The following MAP4K5 variants were observed in gnomAD, a reference collection of about 807,000 sequenced individuals.
MAP4K5 encodes the protein MAPK/ERK kinase kinase kinase 5.
In MAP4K5, 82 loss-of-function variants were observed where a neutral mutation model predicts 135.6. That is an observed-to-expected ratio of 0.60 (90% CI 0.51 to 0.73). The LOEUF is 0.73. MAP4K5 is among the 30% of genes least tolerant of loss of function. MAP4K5 has a pLI of 0.00. For missense variants in MAP4K5, 907 were observed against 1,010.9 expected (o/e 0.90, Z 1.39); for synonymous variants, 347 against 335.0 (o/e 1.04, Z -0.39).
chr14:50,433,428 G>A (rs1182346461), intron 28 of MAP4K5, among the ~76,000 whole-genome samples: 1 of 152,100 alleles, frequency 6.6e-6, no homozygotes, highest in East Asian at 1.9e-4. Context: ...ATTGGCCATG[G>A]GTGGAGTATT....
intron 18 of MAP4K5, among the ~76,000 whole-genome samples, chr14:50,444,752 T>C (rs1313298503): frequency 6.6e-6 from 1 of 152,156 alleles, no homozygotes; most frequent in African/African-American, 2.4e-5. Context: ...CTGTAGACCC[T>C]GAAGTTCTGG....
chr14:50,524,534 T>C (rs987243912), intron 2 of MAP4K5, among the ~76,000 whole-genome samples: 1 of 151,932 alleles, frequency 6.6e-6, no homozygotes, highest in Non-Finnish European at 1.5e-5. Flanking sequence ...ATGATGAGTA[T>C]CATGATAAAA....
intron 13 of MAP4K5, among the ~76,000 whole-genome samples, chr14:50,458,205 T>C (rs748869199): frequency 1.2e-4 from 18 of 152,176 alleles, no homozygotes; most frequent in African/African-American, 1.7e-4. Context: ...AATCACCAGC[T>C]ACACTGCATT....
intron 22 of MAP4K5, 101 bp downstream of exon 22, chr14:50,440,261 A>G: frequency 1.2e-6 from 1 of 842,190 alleles, no homozygotes; most frequent in Non-Finnish European, 1.8e-6. Flanking sequence ...TATTTAAATC[A>G]TAAAAATTAA....
At chr14:50,529,843 G>C (rs1207007501) in intron 2 of MAP4K5, among the ~76,000 whole-genome samples, 1 of 152,124 alleles carries the variant, frequency 6.6e-6, no homozygotes, top group African/African-American at 2.4e-5. Flanking sequence ...TTAAGGAGCA[G>C]CAAGCAGGCC....
chr14:50,551,308 C>G (rs989768711), intron 1 of MAP4K5, among the ~76,000 whole-genome samples: 2 of 150,874 alleles, frequency 1.3e-5, no homozygotes, highest in Non-Finnish European at 2.9e-5. Context: ...AAATGTACAA[C>G]CCTCCTGATT....
chr14:50,428,757 TAAA>T lies in MAP4K5; in HGVS notation c.2234-6_2234-4del. On this transcript the variant is annotated splice_region_variant and splice_polypyrimidine_tract_variant and intron_variant, in intron 29 of 32. Transcript: ENST00000682126. ...TAGATTTACAATTTTCACAAATTCT[TAAA>T]AAAAAAAAACAAGTCAAGACTGGAC... The T allele has an allele frequency of 9.1e-7, 1 of 1,100,066 alleles. No homozygotes were observed. Among genetic ancestry groups the T allele is most frequent in the Non-Finnish European group, 1.2e-6 (1 of 811,260 alleles). 68.1% of individuals were successfully genotyped at this position (1,100,066 alleles called of 1,614,324 possible).
Position 50,486,189 on chromosome 14 carries a change from C to A in MAP4K5, c.172G>T (p.Asp58Tyr). 2.6e-6 allele frequency: 3 copies of A among 1,157,064 alleles called. No individual in the cohort carries two copies. Among genetic ancestry groups the A allele is most frequent in the South Asian group, 2.9e-5 (2 of 68,842 alleles). The allele number at this position is 1,157,064 out of a possible 1,614,324, so 71.7% of individuals were successfully genotyped here. A position where few individuals can be genotyped will look rare whatever the true frequency, so the allele number is the denominator to read the frequency against. Residue 58 changes from aspartate (D) to tyrosine (Y), a missense_variant, in exon 4 of 33, where the codon GAT becomes TAT. Coordinates refer to ENST00000682126, the MANE Select transcript of MAP4K5 (RefSeq NM_006575.6). ...VKIIKLEPGD[D>Y]FSLIQQEIFM... is the part of the protein sequence containing the mutation. Reference sequence around the variant, plus strand: ...ATTTCTTGTTGAATCAAAGAAAAATCATCTCCTGGAAAACAAAATAAGTTG... The same window carrying A: ...ATTTCTTGTTGAATCAAAGAAAAATAATCTCCTGGAAAACAAAATAAGTTG...
chr14:50,421,043 A>G (rs975992622), intron 32 of MAP4K5, among the ~76,000 whole-genome samples: 7 of 152,142 alleles, frequency 4.6e-5, no homozygotes, highest in Non-Finnish European at 7.4e-5. Context: ...TAGTGTATGA[A>G]TTTTCTATAA....
In MAP4K5 at chr14:50,425,232, G is replaced by A. The variant is rs116085374; in HGVS notation, c.2397+675C>T. On this transcript the variant is annotated intron_variant, in intron 31 of 32. Coordinates refer to ENST00000682126, the MANE Select transcript of MAP4K5 (RefSeq NM_006575.6). ...CCAAATCCCATCTCCTGCATGAGAC[G>A]TAATTATCTCAGCTAGAAGTGATTT... 8.2e-3 allele frequency among the ~76,000 whole-genome samples: 1,243 copies of A among 152,234 alleles called. 10 individuals carry two copies. The highest frequency in any genetic ancestry group is 0.028 in the African/African-American group (1,162 of 41,538).
At position 50,513,692 on chromosome 14, in the gene MAP4K5, C is replaced by T. The variant is rs552035720; in HGVS notation, c.109-8835G>A. ...AAAGCTCCTGTATTTCTCTGTTCTTCACATTGGGTCTCTCATCCTACCCCA... is the reference window on the plus strand; with the variant it reads ...AAAGCTCCTGTATTTCTCTGTTCTTTACATTGGGTCTCTCATCCTACCCCA... On this transcript the variant is annotated intron_variant, in intron 2 of 32. Coordinates refer to ENST00000682126, the MANE Select transcript of MAP4K5 (RefSeq NM_006575.6). 2.0e-5 allele frequency among the ~76,000 whole-genome samples: 3 copies of T among 152,312 alleles called. No homozygotes were observed. The South Asian group carries it at 6.2e-4, about 32-fold the overall frequency.
intron 3 of MAP4K5, 35 bp from the exon 4 acceptor site, chr14:50,486,229 C>A: frequency 1.4e-6 from 1 of 722,092 alleles, no homozygotes; most frequent in South Asian, 1.8e-5. Flanking sequence ...TCATGTTACT[C>A]AAAATCTCTA....
In MAP4K5 at chr14:50,429,210, C is replaced by T. The variant is rs746467611; in HGVS notation, c.2215G>A (p.Val739Ile). ...TACTTACTGTCTAAACACACTAAAA[C>T]GGTATCTCTCTCCAACTGTGTTACA... ...IHVTQLERDT[V>I]LVCLDKFVKI... The change falls in exon 29 of 33, where the codon GTT becomes ATT. Residue 739 changes from valine to isoleucine, a missense_variant. By Grantham distance (29) the Val-to-Ile change is conservative (BLOSUM62 3). Around this residue, in one of 3 missense-constraint regions of MAP4K5, gnomAD observed 690 missense variants for 777.4 expected, o/e 0.89. Transcript: ENST00000682126. The T allele has an allele frequency of 2.3e-5, 36 of 1,558,092 alleles. No homozygotes were observed. The African/African-American group carries it at 2.5e-4, about 11-fold the overall frequency.
At chr14:50,506,007 C>T (rs1305141068) in intron 2 of MAP4K5, among the ~76,000 whole-genome samples, 1 of 152,048 alleles carries the variant, frequency 6.6e-6, no homozygotes. Context: ...TCATTTTCAT[C>T]GTACCCCGTG....
chr14:50,536,737 C>T (rs1331722356), upstream of MAP4K5, among the ~76,000 whole-genome samples: 1 of 152,172 alleles, frequency 6.6e-6, no homozygotes, highest in African/African-American at 2.4e-5. Flanking sequence ...TTAGCAAAGA[C>T]ACTGGTGGCA....
At chr14:50,508,576 G>T (rs532104945) in intron 2 of MAP4K5, among the ~76,000 whole-genome samples, 1 of 152,048 alleles carries the variant, frequency 6.6e-6, no homozygotes, top group African/African-American at 2.4e-5. Flanking sequence ...TGGGGTGGGG[G>T]GAGAGGGGAG....
chr14:50,423,281 G>A, intron 31 of MAP4K5, 105 bp from the exon 32 acceptor site: 1 of 527,114 alleles, frequency 1.9e-6, no homozygotes, highest in Non-Finnish European at 3.4e-6. Context: ...ATATTTTTTG[G>A]TAGACTTAAT....
chr14:50,493,503 A>G (rs1046375262), intron 3 of MAP4K5, among the ~76,000 whole-genome samples: 8 of 152,222 alleles, frequency 5.3e-5, no homozygotes, highest in Non-Finnish European at 1.2e-4. Flanking sequence ...CTGGAAAGAA[A>G]TAAGTTAAAA....
At chr14:50,503,786 C>A (rs1234824979) in intron 3 of MAP4K5, among the ~76,000 whole-genome samples, 2 of 152,006 alleles carry the variant, frequency 1.3e-5, no homozygotes, top group African/African-American at 4.8e-5. Flanking sequence ...TCTGAGAGCA[C>A]ACGCCAGTAC....
Sources: allele counts gnomAD v4.1 joint callset (sites outside exome capture counted in the v4.1 genomes callset), GRCh38; gene constraint gnomAD v4.1.1; regional missense constraint gnomAD v4.1.1; transcripts MANE v1.5; gene names NCBI Gene and HGNC (gene_info 2026-07-23, HGNC 2026-07-21).